SREBF1: variants seen among roughly 807,000 people sequenced by gnomAD.
SREBF1 encodes the protein sterol regulatory element-binding protein 1.
A neutral mutation model predicts 100.1 loss-of-function variants in SREBF1; 45 were observed. That is an observed-to-expected ratio of 0.45 (90% CI 0.35 to 0.58). The LOEUF is 0.58. Among genes scored for constraint, SREBF1 ranks in the 20% least tolerant of loss-of-function variants. The pLI is 0.00. For missense variants in SREBF1, 1,324 were observed against 1,539.4 expected (o/e 0.86, Z 2.34); for synonymous variants, 657 against 681.8 (o/e 0.96, Z 0.57).
chr17:17,833,800 C>T (rs866346189), intron 1 of SREBF1, among the ~76,000 whole-genome samples: 5 of 152,164 alleles, frequency 3.3e-5, no homozygotes, highest in South Asian at 2.1e-4. Flanking sequence ...GCCTGGCCAA[C>T]ATGGCCATCT....
intron 9 of SREBF1, 28 bp downstream of exon 9, chr17:17,816,930 G>T (rs778070194): frequency 1.9e-6 from 3 of 1,612,428 alleles, no homozygotes; most frequent in Non-Finnish European, 2.5e-6. Context: ...TCCCTGCCCT[G>T]CCCACTCTGC....
chr17:17,826,780 C>A (rs139792387), intron 1 of SREBF1, among the ~76,000 whole-genome samples: 1 of 152,200 alleles, frequency 6.6e-6, no homozygotes, highest in East Asian at 1.9e-4. Context: ...TGACTCTGGC[C>A]GATGTATTCT....
At chr17:17,823,799 G>GCCCGGC (rs757766620) in intron 1 of SREBF1, among the ~76,000 whole-genome samples, 447 of 151,352 alleles carry the variant, frequency 3.0e-3, no homozygotes, top group Non-Finnish European at 5.8e-3. Flanking sequence ...CCTCGCTAGG[G>GCCCGGC]CCCGGCCCCG....
In SREBF1 at chr17:17,819,714, C is replaced by A. The variant is rs755969074; in HGVS notation, c.535G>T (p.Gly179Trp). The A allele has an allele frequency of 1.9e-6, 3 of 1,604,248 alleles. No homozygotes were observed. Among genetic ancestry groups the A allele is most frequent in the Non-Finnish European group, 2.5e-6 (3 of 1,177,648 alleles). Residue 179 changes from glycine to tryptophan, a missense_variant, in exon 3 of 19, where the codon GGG becomes TGG. By Grantham distance (184) the Gly-to-Trp change is radical. Coordinates refer to ENST00000261646, the MANE Select transcript of SREBF1 (RefSeq NM_004176.5). ...PGGFSTGSPP[G>W]NTQQPLPGLP... Reference sequence around the variant, plus strand: ...CCAGGCAGCGGCTGCTGGGTGTTCCCGGGAGGGCTTCCTGCAGAAATAAAG... The same window carrying A: ...CCAGGCAGCGGCTGCTGGGTGTTCCAGGGAGGGCTTCCTGCAGAAATAAAG...
chr17:17,812,767 C>CCGGGGGG lies in SREBF1; in HGVS notation c.3292_3298dup (p.Gly1100AlafsTer17). 1 of 1,535,230 alleles carries CCGGGGGG rather than the reference C, an allele frequency of 6.5e-7. No homozygotes were observed. The highest frequency in any genetic ancestry group is 2.4e-5 in the East Asian group (1 of 40,818). On this transcript the variant is annotated frameshift_variant, in exon 19 of 19. Transcript: ENST00000261646. LOFTEE classifies it high-confidence loss of function. ...GCGCTGCCCGGGCGCCGACAGGAAG[C>CCGGGGGG]CGGGGGGCAGGTAGCAGGAGGCCAG...
In SREBF1 at chr17:17,811,489, G is replaced by A. The variant is rs2032824366; in HGVS notation, c.*1133C>T. On this transcript the variant is annotated 3_prime_UTR_variant, in exon 19 of 19. Coordinates refer to ENST00000261646, the MANE Select transcript of SREBF1 (RefSeq NM_004176.5). ...GTGGATTCCGACCAGATTCAGCTGGGAGCCGGGCCAGGCTTTAGGTTGGGG... is the reference window on the plus strand; with the variant it reads ...GTGGATTCCGACCAGATTCAGCTGGAAGCCGGGCCAGGCTTTAGGTTGGGG... The A allele has an allele frequency of 1.1e-5, 3 of 260,914 alleles. No individual in the cohort carries two copies. The Admixed American group carries it at 1.7e-4, about 15-fold the overall frequency. 16.2% of individuals were successfully genotyped at this position (260,914 alleles called of 1,614,324 possible).
At position 17,817,898 on chromosome 17, in the gene SREBF1, A is replaced by G. The variant is rs1382773631; in HGVS notation, c.1202T>C (p.Val401Ala). The G allele has an allele frequency of 6.2e-7, 1 of 1,601,516 alleles. No homozygotes were observed. ...GTTCCCTCCACTGCCACAGGCCGACACCAGATCCTTCAGAGATTCTGTGGG... is the reference window on the plus strand; with the variant it reads ...GTTCCCTCCACTGCCACAGGCCGACGCCAGATCCTTCAGAGATTCTGTGGG... ...VHKSKSLKDL[V>A]SACGSGGNTD... Residue 401 changes from valine (V) to alanine (A), a missense_variant, in exon 7 of 19, where the codon GTG becomes GCG. By Grantham distance (64) the Val-to-Ala change is moderately conservative. Transcript: ENST00000261646. This position sits in a 1 kb window ranked among gnomAD's most constrained non-coding sequence, Gnocchi z 6.6.
At chr17:17,815,358 G>A (rs373012055) in intron 12 of SREBF1, 29 bp from the exon 13 acceptor site, 95 of 1,583,654 alleles carry the variant, frequency 6.0e-5, no homozygotes, top group African/African-American at 3.6e-4. Context: ...GAGTGGGGTG[G>A]GGAGCAGGGC....
chr17:17,816,185 C>CCCCGCCCCCCCCCCCTCCCCACTCCCG, intron 11 of SREBF1, 22 bp downstream of exon 11: 1 of 28,784 alleles, frequency 3.5e-5, no homozygotes, highest in Non-Finnish European at 6.2e-5. Context: ...GGGATAAGCC[C>CCCCGCCCCCCCCCCCTCCCCACTCCCG]CCAGCCCCCC....
chr17:17,828,874 A>G (rs1038786632), intron 1 of SREBF1, among the ~76,000 whole-genome samples: 2 of 151,982 alleles, frequency 1.3e-5, no homozygotes, highest in African/African-American at 4.8e-5. Flanking sequence ...TGATTGTGCC[A>G]TGGTATTCCA....
Position 17,820,258 on chromosome 17 carries a change from C to G in SREBF1, c.355G>C (p.Gly119Arg). 1 of 1,613,858 alleles carries G rather than the reference C, an allele frequency of 6.2e-7. No homozygotes were observed. The highest frequency in any genetic ancestry group is 8.5e-7 in the Non-Finnish European group (1 of 1,179,988). Residue 119 changes from glycine (G) to arginine (R), a missense_variant, in exon 2 of 19, where the codon GGG (glycine) becomes CGG (arginine). Transcript: ENST00000261646. ...ACTGACTCTTCCTTGATACCAGGCC[C>G]AGGGGAGAAAGCGGGCATGGACGGG... ...MYPSMPAFSP[G>R]PGIKEESVPL...
At chr17:17,815,752 G>T in intron 12 of SREBF1, 108 bp downstream of exon 12, 1 of 1,222,302 alleles carries the variant, frequency 8.2e-7, no homozygotes, top group East Asian at 2.5e-5. Flanking sequence ...CCATGGCAGG[G>T]AGAAGGACTG....
chr17:17,820,932 A>C (rs1444146438), intron 1 of SREBF1: 1 of 287,558 alleles, frequency 3.5e-6, no homozygotes, highest in Non-Finnish European at 6.8e-6. Flanking sequence ...GCAGGCTCAC[A>C]TTCATTCACT....
At chr17:17,813,829 G>A in intron 16 of SREBF1, 60 bp from the exon 17 acceptor site, 1 of 1,495,622 alleles carries the variant, frequency 6.7e-7, no homozygotes, top group Middle Eastern at 2.1e-4. Flanking sequence ...GGGCAGGATG[G>A]GGGCCCGTGG....
intron 1 of SREBF1, among the ~76,000 whole-genome samples, chr17:17,829,203 AAAAT>A (rs1452519193): frequency 1.2e-3 from 45 of 36,114 alleles, no homozygotes; most frequent in East Asian, 4.1e-3. Flanking sequence ...AAAAAAAAAA[AAAAT>A]ATATATATAT....
intron 1 of SREBF1, among the ~76,000 whole-genome samples, chr17:17,831,132 G>A (rs963495273): frequency 5.0e-5 from 2 of 40,246 alleles, no homozygotes; most frequent in African/African-American, 1.9e-4. Context: ...GCCATGAATG[G>A]TTGGAGACCA....
rs774433456 is a variant in SREBF1 at position 17,815,336 on chromosome 17, A to T, written c.2384-7T>A. The T allele has an allele frequency of 8.7e-6, 14 of 1,611,694 alleles. No individual in the cohort carries two copies. Among genetic ancestry groups the T allele is most frequent in the Non-Finnish European group, 1.2e-5 (14 of 1,178,566 alleles). On this transcript the variant is annotated splice_region_variant and splice_polypyrimidine_tract_variant and intron_variant, in intron 12 of 18. Transcript: ENST00000261646. ...ACCTGGGCCAGGGGGTCCACTGTGGAGAGGAGGAGGTGAGTGGGGTGGGGA... is the reference window on the plus strand; with the variant it reads ...ACCTGGGCCAGGGGGTCCACTGTGGTGAGGAGGAGGTGAGTGGGGTGGGGA...
Position 17,812,870 on chromosome 17 carries a change from G to A in SREBF1, c.3215-19C>T. 5 of 1,472,206 alleles carry A rather than the reference G, an allele frequency of 3.4e-6. No homozygotes were observed. The highest frequency in any genetic ancestry group is 3.6e-6 in the Non-Finnish European group (4 of 1,120,166). 91.2% of individuals were successfully genotyped at this position (1,472,206 alleles called of 1,614,324 possible). On this transcript the variant is annotated intron_variant, in intron 18 of 18. Transcript: ENST00000261646. ...ACCGCGCCTGCGCACACGAGGATGTGTCAGGGATGGGTCTCAAGCTGGCCA... is the reference window on the plus strand; with the variant it reads ...ACCGCGCCTGCGCACACGAGGATGTATCAGGGATGGGTCTCAAGCTGGCCA...
rs1341441607 is a variant in SREBF1 at position 17,814,243 on chromosome 17, AC to A, written c.2901+1del. On this transcript the variant is annotated splice_donor_variant, in intron 16 of 18. Coordinates refer to ENST00000261646, the MANE Select transcript of SREBF1 (RefSeq NM_004176.5). LOFTEE classifies it high-confidence loss of function. The stretch of plus-strand genomic sequence containing the variant: ...TGCCAGGCCCCTGACCCCACCCCTC[AC>A]CTTGTCAATGGAGCTGCTGGCTGGT... 1 of 1,603,970 alleles carries A rather than the reference AC, an allele frequency of 6.2e-7. No individual in the cohort carries two copies. Among genetic ancestry groups the A allele is most frequent in the East Asian group, 2.2e-5 (1 of 44,720 alleles).
Sources: allele counts gnomAD v4.1 joint callset (sites outside exome capture counted in the v4.1 genomes callset), GRCh38; gene constraint gnomAD v4.1.1; non-coding constraint Gnocchi (gnomAD v3.1); transcripts MANE v1.5; gene names NCBI Gene and HGNC (gene_info 2026-07-23, HGNC 2026-07-21).